Variants in MPEG1 observed in about 807,000 individuals in gnomAD.
The protein encoded by MPEG1 is macrophage-expressed gene 1 protein.
For missense variants in MPEG1, 876 were observed against 880.3 expected (o/e 1.00, Z 0.06); for synonymous variants, 365 against 351.9 (o/e 1.04, Z -0.42).
chr11:59,211,177 C>G lies in MPEG1; in HGVS notation c.1689G>C (p.Gln563His). 6.2e-7 allele frequency: 1 copy of G among 1,614,208 alleles called. No individual in the cohort carries two copies. The highest frequency in any genetic ancestry group is 2.2e-5 in the East Asian group (1 of 44,880). ...ATCCATCGCTGATGAGGGCTGGGTG[C>G]TGGCTGAAGCCCCCGGGGCACTTTT... is the stretch of plus-strand genomic sequence containing the variant. ...SLKKCPGGFSQHPALISDGCQ... is the reference protein window; with the variant it reads ...SLKKCPGGFSHHPALISDGCQ... The change falls in exon 1 of 1, where the codon CAG (glutamine) becomes CAC (histidine). Residue 563 changes from glutamine to histidine, a missense_variant. Transcript: ENST00000361050.
rs1862898174 is a variant in MPEG1 at position 59,211,883 on chromosome 11, T to A, written c.983A>T (p.Lys328Met). ...MLPDLPGPLV[K>M]KVSKTVETAV... is the part of the protein sequence containing the mutation. ...AGTTTCCACTGTCTTTGACACCTTC[T>A]TCACCAGGGGGCCTGGCAAGTCAGG... Residue 328 changes from lysine to methionine, a missense_variant, in exon 1 of 1, where the codon AAG becomes ATG. Transcript: ENST00000361050. The A allele has an allele frequency of 5.0e-6, 8 of 1,614,130 alleles. No homozygotes were observed. Among genetic ancestry groups the A allele is most frequent in the Non-Finnish European group, 6.8e-6 (8 of 1,179,996 alleles).
chr11:59,211,523 ACGG>A lies in MPEG1; in HGVS notation c.1340_1342del (p.Thr447_Val448delinsMet), dbSNP rs748476155. On this transcript the variant is annotated inframe_deletion, in exon 1 of 1. Coordinates refer to ENST00000361050, the MANE Select transcript of MPEG1 (RefSeq NM_001039396.2). Reference sequence around the variant, plus strand: ...TGCCACCTGGAACACATCTTCACACACGGTCTTGCAGAAGACGAGGAGAGTGCA... The same window carrying A: ...TGCCACCTGGAACACATCTTCACACATCTTGCAGAAGACGAGGAGAGTGCA... 6.2e-7 allele frequency: 1 copy of A among 1,614,034 alleles called. No individual in the cohort carries two copies. The highest frequency in any genetic ancestry group is 1.3e-5 in the African/African-American group (1 of 74,908).
In MPEG1 at chr11:59,211,461, T is replaced by G; in HGVS notation, c.1405A>C (p.Ser469Arg). 1.9e-6 allele frequency: 3 copies of G among 1,614,204 alleles called. No individual in the cohort carries two copies. The highest frequency in any genetic ancestry group is 2.5e-6 in the Non-Finnish European group (3 of 1,180,036). The change falls in exon 1 of 1, where the codon AGC (serine) becomes CGC (arginine). Residue 469 changes from serine (S) to arginine (R), a missense_variant. By Grantham distance (110) the Ser-to-Arg change is moderately radical. Coordinates refer to ENST00000361050, the MANE Select transcript of MPEG1 (RefSeq NM_001039396.2). Reference sequence around the variant, plus strand: ...AGTCCTGAGTTTTCAGGTACTTGGCTGCTGGCCACACACCAAAAAGCCCTA... The same window carrying G: ...AGTCCTGAGTTTTCAGGTACTTGGCGGCTGGCCACACACCAAAAAGCCCTA... ...EFRAFWCVAS[S>R]QVPENSGLLF...
rs1404083813 is a variant in MPEG1 at position 59,212,686 on chromosome 11, TC to T, written c.179del (p.Gly60AspfsTer6). 1 of 1,614,118 alleles carries T rather than the reference TC, an allele frequency of 6.2e-7. No individual in the cohort carries two copies. Among genetic ancestry groups the T allele is most frequent in the East Asian group, 2.2e-5 (1 of 44,896 alleles). On this transcript the variant is annotated frameshift_variant, in exon 1 of 1. Coordinates refer to ENST00000361050, the MANE Select transcript of MPEG1 (RefSeq NM_001039396.2). LOFTEE classifies it low-confidence loss of function (END_TRUNC). Reference protein sequence around the residue: ...GWDNLRNVDMGRVMELTYSNC... With the variant: ...GWDNLRNVDMXRVMELTYSNC... ...TGGAGTAAGTCAATTCCATAACTCG[TC>T]CCATGTCCACATTCCGCAGATTGTC...
chr11:59,210,436 A>G lies in MPEG1; in HGVS notation c.*279T>C. The G allele has an allele frequency of 2.5e-6, 1 of 392,248 alleles. No individual in the cohort carries two copies. Among genetic ancestry groups the G allele is most frequent in the East Asian group, 4.1e-5 (1 of 24,536 alleles). 24.3% of individuals were successfully genotyped at this position (392,248 alleles called of 1,614,324 possible). On this transcript the variant is annotated 3_prime_UTR_variant, in exon 1 of 1. Coordinates refer to ENST00000361050, the MANE Select transcript of MPEG1 (RefSeq NM_001039396.2). The stretch of plus-strand genomic sequence containing the variant: ...TTCACATTGTCCCTCCGCTATTTTT[A>G]CACAAATGCATTCAGGTGAAGACAG...
At position 59,211,059 on chromosome 11, in the gene MPEG1, T is replaced by C. The variant is rs1862882603; in HGVS notation, c.1807A>G (p.Ser603Gly). The change falls in exon 1 of 1, where the codon AGT (serine) becomes GGT (glycine). Residue 603 changes from serine to glycine, a missense_variant. Coordinates refer to ENST00000361050, the MANE Select transcript of MPEG1 (RefSeq NM_001039396.2). Reference sequence around the variant, plus strand: ...ATGACAGTATTGGTGGCAGCCTGACTCATGAGGGGTGGCCGGGTGAAAGGT... The same window carrying C: ...ATGACAGTATTGGTGGCAGCCTGACCCATGAGGGGTGGCCGGGTGAAAGGT... ...LPPFTRPPLM[S>G]QAATNTVIVT... is the part of the protein sequence containing the mutation. 1 of 1,613,952 alleles carries C rather than the reference T, an allele frequency of 6.2e-7. No homozygotes were observed. The highest frequency in any genetic ancestry group is 8.5e-7 in the Non-Finnish European group (1 of 1,180,020).
In MPEG1 at chr11:59,210,474, G is replaced by A. The variant is rs1036226950; in HGVS notation, c.*241C>T. 1.3e-5 allele frequency: 7 copies of A among 520,584 alleles called. No individual in the cohort carries two copies. Among genetic ancestry groups the A allele is most frequent in the East Asian group, 9.2e-5 (3 of 32,604 alleles). The allele number at this position is 520,584 out of a possible 1,614,324, so 32.2% of individuals were successfully genotyped here. A position where few individuals can be genotyped will look rare whatever the true frequency, so the allele number is the denominator to read the frequency against. ...CAGGTGAAGACAGCAACACACATTGGGAAAGGACATCTGCTTCCTATTTTA... is the reference window on the plus strand; with the variant it reads ...CAGGTGAAGACAGCAACACACATTGAGAAAGGACATCTGCTTCCTATTTTA... On this transcript the variant is annotated 3_prime_UTR_variant, in exon 1 of 1. Transcript: ENST00000361050.
Position 59,211,174 on chromosome 11 carries a change from G to A in MPEG1, c.1692C>T (p.His564=), listed in dbSNP as rs758341650. 2.5e-5 allele frequency: 40 copies of A among 1,614,222 alleles called. No homozygotes were observed. The highest frequency in any genetic ancestry group is 2.3e-4 in the South Asian group (21 of 91,090). ...GGCATCCATCGCTGATGAGGGCTGG[G>A]TGCTGGCTGAAGCCCCCGGGGCACT... is the stretch of plus-strand genomic sequence containing the variant. ...LKKCPGGFSQ[H]PALISDGCQV... is the part of the protein sequence containing the mutation. The change falls in exon 1 of 1, where the codon CAC becomes CAT. Residue 564 remains histidine, a synonymous_variant. Transcript: ENST00000361050.
In MPEG1 at chr11:59,209,819, A is replaced by G. The variant is rs1483868955; in HGVS notation, c.*896T>C. On this transcript the variant is annotated 3_prime_UTR_variant, in exon 1 of 1. Coordinates refer to ENST00000361050, the MANE Select transcript of MPEG1 (RefSeq NM_001039396.2). ...GAGGACAGGAAAGGTAAGGACCCAG[A>G]ACAATGAAGACTTATTGAAATGTGG... The G allele has an allele frequency of 6.6e-6, 1 of 152,132 alleles. No homozygotes were observed. Among genetic ancestry groups the G allele is most frequent in the African/African-American group, 2.5e-5 (1 of 39,646 alleles). 9.4% of individuals were successfully genotyped at this position (152,132 alleles called of 1,614,324 possible). A position where few individuals can be genotyped will look rare whatever the true frequency, so the allele number is the denominator to read the frequency against.
chr11:59,211,869 T>C lies in MPEG1; in HGVS notation c.997A>G (p.Thr333Ala), dbSNP rs776403300. The change falls in exon 1 of 1, where the codon ACA becomes GCA. Residue 333 changes from threonine (T) to alanine (A), a missense_variant. By Grantham distance (58) the Thr-to-Ala change is moderately conservative. Transcript: ENST00000361050. ...TAGCGCTTCACAGCAGTTTCCACTG[T>C]CTTTGACACCTTCTTCACCAGGGGG... ...PGPLVKKVSK[T>A]VETAVKRYYT... 6.2e-7 allele frequency: 1 copy of C among 1,614,128 alleles called. No homozygotes were observed. The highest frequency in any genetic ancestry group is 2.2e-5 in the East Asian group (1 of 44,864).
Position 59,210,654 on chromosome 11 carries a change from A to G in MPEG1, c.*61T>C. ...TGCACTTGCCATTTCAATGCTTAGG[A>G]AAACAGAGTGGTCAGCAATGACCAC... is the stretch of plus-strand genomic sequence containing the variant. On this transcript the variant is annotated 3_prime_UTR_variant, in exon 1 of 1. Coordinates refer to ENST00000361050, the MANE Select transcript of MPEG1 (RefSeq NM_001039396.2). The G allele has an allele frequency of 6.7e-7, 1 of 1,489,796 alleles. No homozygotes were observed. The highest frequency in any genetic ancestry group is 1.2e-5 in the South Asian group (1 of 80,252). The allele number at this position is 1,489,796 out of a possible 1,614,324, so 92.3% of individuals were successfully genotyped here. A position where few individuals can be genotyped will look rare whatever the true frequency, so the allele number is the denominator to read the frequency against.
In MPEG1 at chr11:59,210,908, G is replaced by C. The variant is rs1027526427; in HGVS notation, c.1958C>G (p.Ser653Ter). The change falls in exon 1 of 1, where the codon TCA (serine) becomes TGA (stop). Residue 653 changes from serine to a stop codon, truncating the protein, a stop_gained. Coordinates refer to ENST00000361050, the MANE Select transcript of MPEG1 (RefSeq NM_001039396.2). LOFTEE classifies it low-confidence loss of function (END_TRUNC). ...TGTGACCCCAGCTGCAGCCCCTCCT[G>C]ACAGACCACCACCATCCCCATGGAT... ...NVIHGDGGGL[S>*]GGAAAGVTVG... 1 of 1,614,132 alleles carries C rather than the reference G, an allele frequency of 6.2e-7. No individual in the cohort carries two copies. Among genetic ancestry groups the C allele is most frequent in the South Asian group, 1.1e-5 (1 of 91,078 alleles).
chr11:59,212,614 G>T lies in MPEG1; in HGVS notation c.252C>A (p.Ile84=), dbSNP rs1174104575. 2 of 1,614,214 alleles carry T rather than the reference G, an allele frequency of 1.2e-6. No individual in the cohort carries two copies. Among genetic ancestry groups the T allele is most frequent in the East Asian group, 2.2e-5 (1 of 44,876 alleles). Residue 84 remains isoleucine, a synonymous_variant, in exon 1 of 1, where the codon ATC becomes ATA. Transcript: ENST00000361050. ...EDGQYIIPDE[I]FTIPQKQSNL... ...TGCTCTGTTTCTGGGGAATGGTGAAGATTTCATCAGGGATGATATACTGTC... is the reference window on the plus strand; with the variant it reads ...TGCTCTGTTTCTGGGGAATGGTGAATATTTCATCAGGGATGATATACTGTC...
Position 59,210,582 on chromosome 11 carries a change from T to C in MPEG1, c.*133A>G, listed in dbSNP as rs1862875244. 1.3e-6 allele frequency: 1 copy of C among 767,262 alleles called. No individual in the cohort carries two copies. Among genetic ancestry groups the C allele is most frequent in the Non-Finnish European group, 2.1e-6 (1 of 472,346 alleles). 47.5% of individuals were successfully genotyped at this position (767,262 alleles called of 1,614,324 possible). A position where few individuals can be genotyped will look rare whatever the true frequency, so the allele number is the denominator to read the frequency against. The stretch of plus-strand genomic sequence containing the variant: ...TATCCATGTAACAGTATGAATTTCC[T>C]GGCCCAGAGACCTAAACAAGAAGTC... On this transcript the variant is annotated 3_prime_UTR_variant, in exon 1 of 1. Transcript: ENST00000361050.
chr11:59,211,568 A>G lies in MPEG1; in HGVS notation c.1298T>C (p.Leu433Pro), dbSNP rs775713471. 6 of 1,614,198 alleles carry G rather than the reference A, an allele frequency of 3.7e-6. No individual in the cohort carries two copies. The highest frequency in any genetic ancestry group is 5.1e-6 in the Non-Finnish European group (6 of 1,180,020). Residue 433 changes from leucine (L) to proline (P), a missense_variant, in exon 1 of 1, where the codon CTG becomes CCG. Coordinates refer to ENST00000361050, the MANE Select transcript of MPEG1 (RefSeq NM_001039396.2). ...SQIHEEGYNHLECHRKCTLLV... is the reference protein window; with the variant it reads ...SQIHEEGYNHPECHRKCTLLV... ...GAGAGTGCACTTTCGATGACACTCC[A>G]GGTGGTTGTAACCCTCCTCGTGGAT...
Position 59,212,702 on chromosome 11 carries a change from C to T in MPEG1, c.164G>A (p.Arg55Gln), listed in dbSNP as rs775131648. Reference protein sequence around the residue: ...VLPGGGWDNLRNVDMGRVMEL... With the variant: ...VLPGGGWDNLQNVDMGRVMEL... ...CATAACTCGTCCCATGTCCACATTC[C>T]GCAGATTGTCCCAGCCCCCTCCAGG... Residue 55 changes from arginine to glutamine, a missense_variant, in exon 1 of 1, where the codon CGG becomes CAG. By Grantham distance (43) the Arg-to-Gln change is conservative (BLOSUM62 1). Transcript: ENST00000361050. 3.9e-5 allele frequency: 63 copies of T among 1,614,090 alleles called. No individual in the cohort carries two copies. Among genetic ancestry groups the T allele is most frequent in the Admixed American group, 3.8e-4 (23 of 60,010 alleles).
rs541679679 is a variant in MPEG1, at chr11:59,212,306, G to A, written c.560C>T (p.Thr187Met). The A allele has an allele frequency of 2.4e-5, 38 of 1,613,910 alleles. No homozygotes were observed. Among genetic ancestry groups the A allele is most frequent in the Non-Finnish European group, 2.9e-5 (34 of 1,180,024 alleles). The change falls in exon 1 of 1, where the codon ACG becomes ATG. Residue 187 changes from threonine to methionine, a missense_variant. Coordinates refer to ENST00000361050, the MANE Select transcript of MPEG1 (RefSeq NM_001039396.2). ...TTCTGCCAGGTAGGTGGCCATCCTC[G>A]TCTGGTTGTTCTCTAGACGGTCAGA... is the stretch of plus-strand genomic sequence containing the variant. ...DISDRLENNQ[T>M]RMATYLAELL...
Position 59,211,399 on chromosome 11 carries a change from G to A in MPEG1, c.1467C>T (p.Asn489=). 6.2e-7 allele frequency: 1 copy of A among 1,614,200 alleles called. No homozygotes were observed. Among genetic ancestry groups the A allele is most frequent in the Non-Finnish European group, 8.5e-7 (1 of 1,180,044 alleles). The change falls in exon 1 of 1, where the codon AAC becomes AAT. Residue 489 remains asparagine, a synonymous_variant. Coordinates refer to ENST00000361050, the MANE Select transcript of MPEG1 (RefSeq NM_001039396.2). ...FGGLFSSKSI[N]PMTNAQSCPA... ...GGCATGACTGTGCATTTGTCATGGGGTTTATGCTCTTGCTGCTGAAGAGGC... is the reference window on the plus strand; with the variant it reads ...GGCATGACTGTGCATTTGTCATGGGATTTATGCTCTTGCTGCTGAAGAGGC...
Position 59,208,665 on chromosome 11 carries a change from C to T in MPEG1, c.*2050G>A, listed in dbSNP as rs913749488. 1 of 152,162 alleles carries T rather than the reference C, an allele frequency of 6.6e-6. No individual in the cohort carries two copies. The highest frequency in any genetic ancestry group is 6.6e-5 in the Admixed American group (1 of 15,264). The allele number at this position is 152,162 out of a possible 1,614,324, so 9.4% of individuals were successfully genotyped here. A position where few individuals can be genotyped will look rare whatever the true frequency, so the allele number is the denominator to read the frequency against. On this transcript the variant is annotated 3_prime_UTR_variant, in exon 1 of 1. Coordinates refer to ENST00000361050, the MANE Select transcript of MPEG1 (RefSeq NM_001039396.2). ...TTCTTGGAAGCCAGGGTTGGTCTCC[C>T]CACAGACCCCAGGCTAAGGTCACCA... is the stretch of plus-strand genomic sequence containing the variant.
Sources: gnomAD v4.1 joint callset for allele counts on GRCh38, gnomAD v4.1.1 for gene constraint, MANE v1.5 for transcripts, NCBI Gene and HGNC (gene_info 2026-07-23, HGNC 2026-07-21) for gene names.